CAB39: variants seen among roughly 807,000 people sequenced by gnomAD.
CAB39 encodes calcium binding protein 39, also known as calcium-binding protein 39.
CAB39 carries 8 observed loss-of-function variants against 40.0 expected under a neutral mutation model. The ratio of observed to expected loss-of-function variants is 0.20; its 90% CI spans 0.12 to 0.36. The LOEUF is 0.36. Ranked by LOEUF, CAB39 falls within the 10% of genes least tolerant of loss-of-function variation. The probability of loss-of-function intolerance (pLI) is 1.00; values close to 1 mark genes in which losing one functional copy is unlikely to be tolerated. For synonymous variants in CAB39, 156 were observed against 141.6 expected (o/e 1.10, Z -0.72); for missense variants, 270 against 401.1 (o/e 0.67, Z 2.79).
intron 1 of CAB39, among the ~76,000 whole-genome samples, chr2:230,750,497 A>G (rs1695066403): frequency 6.6e-6 from 1 of 152,170 alleles, no homozygotes; most frequent in African/African-American, 2.4e-5. Context: ...CCCTTTATAA[A>G]TTACCCCAAA....
chr2:230,772,870 G>A (rs1325739949), intron 2 of CAB39, among the ~76,000 whole-genome samples: 2 of 150,332 alleles, frequency 1.3e-5, no homozygotes, highest in Admixed American at 1.3e-4. Context: ...AGAAATATAT[G>A]TTCATGAAAA....
At chr2:230,771,348 G>A (rs1695480183) in intron 2 of CAB39, among the ~76,000 whole-genome samples, 3 of 152,040 alleles carry the variant, frequency 2.0e-5, no homozygotes, top group Admixed American at 1.3e-4. Context: ...CTAGCATTTA[G>A]AATAGCATCA....
intron 1 of CAB39, among the ~76,000 whole-genome samples, chr2:230,757,425 G>A (rs1452299801): frequency 6.6e-6 from 1 of 152,132 alleles, no homozygotes; most frequent in Non-Finnish European, 1.5e-5. Context: ...AGTCTTACTA[G>A]TTCATATGTT....
chr2:230,736,246 C>G (rs1005092895), intron 1 of CAB39, among the ~76,000 whole-genome samples: 1 of 152,150 alleles, frequency 6.6e-6, no homozygotes, highest in African/African-American at 2.4e-5. Flanking sequence ...CTAGATCTTA[C>G]AGTATTTAAC....
intron 1 of CAB39, among the ~76,000 whole-genome samples, chr2:230,722,277 CTTAG>C (rs768292343): frequency 1.1e-4 from 17 of 152,172 alleles, no homozygotes; most frequent in East Asian, 1.9e-4. Flanking sequence ...AATTTATAAA[CTTAG>C]TTAGAGTGAG....
intron 2 of CAB39, among the ~76,000 whole-genome samples, chr2:230,784,685 G>A (rs772526464): frequency 6.6e-6 from 1 of 152,312 alleles, no homozygotes; most frequent in South Asian, 2.1e-4. Context: ...CCTGTGGAAA[G>A]TTCAGGTGTA....
intron 1 of CAB39, among the ~76,000 whole-genome samples, chr2:230,756,020 C>T (rs1161424785): frequency 2.6e-5 from 4 of 152,144 alleles, no homozygotes; most frequent in African/African-American, 9.7e-5. Context: ...GGACCAGGCC[C>T]TTTGGAAGGC....
intron 1 of CAB39, among the ~76,000 whole-genome samples, chr2:230,753,636 A>G (rs1235546793): frequency 2.0e-5 from 3 of 151,810 alleles, no homozygotes; most frequent in African/African-American, 4.8e-5. Context: ...AGTCCCAGCT[A>G]CTGGGGAGGC....
At chr2:230,790,426 A>G (rs1695874092) in intron 2 of CAB39, among the ~76,000 whole-genome samples, 2 of 151,760 alleles carry the variant, frequency 1.3e-5, no homozygotes, top group African/African-American at 4.8e-5. Context: ...TTTCCTCCAC[A>G]CCTTTTCTGT....
intron 1 of CAB39, among the ~76,000 whole-genome samples, chr2:230,744,363 G>C (rs1054105224): frequency 6.6e-6 from 1 of 151,590 alleles, no homozygotes; most frequent in African/African-American, 2.4e-5. Flanking sequence ...GCACGATCTC[G>C]GCTCACTGCA....
chr2:230,714,119 T>C (rs552968444), intron 1 of CAB39: 1 of 152,222 alleles, frequency 6.6e-6, no homozygotes, highest in East Asian at 1.9e-4. Context: ...ATAATTCCGT[T>C]TGTTGGCATG....
At chr2:230,818,214 C>T (rs2124988851) in intron 8 of CAB39, 1 of 448,996 alleles carries the variant, frequency 2.2e-6, no homozygotes, top group South Asian at 3.8e-5. Flanking sequence ...CCCATCTGAC[C>T]TCTTGTGCTG....
chr2:230,784,174 A>G (rs1695747611), intron 2 of CAB39, among the ~76,000 whole-genome samples: 1 of 152,100 alleles, frequency 6.6e-6, no homozygotes, highest in South Asian at 2.1e-4. Context: ...GGCGAGGTGA[A>G]GAGGGGAGAG....
Position 230,768,812 on chromosome 2 carries a change from ATTAATTTAAAAAG to A in CAB39, c.114+8698_114+8710del, listed in dbSNP as rs529025312. Among the ~76,000 whole-genome samples, 604 of 152,338 alleles carry A rather than the reference ATTAATTTAAAAAG, an allele frequency of 4.0e-3. 2 individuals carry two copies. The highest frequency in any genetic ancestry group is 0.017 in the Middle Eastern group (5 of 294). On this transcript the variant is annotated intron_variant, in intron 2 of 8. Coordinates refer to ENST00000258418, the MANE Select transcript of CAB39 (RefSeq NM_016289.4). Reference sequence around the variant, plus strand: ...AAACCAGAATCATTAAAAACACTTGATTAATTTAAAAAGGCAGAAAAGGGATGAAGGGAATTAA... The same window carrying A: ...AAACCAGAATCATTAAAAACACTTGAGCAGAAAAGGGATGAAGGGAATTAA...
intron 2 of CAB39, among the ~76,000 whole-genome samples, chr2:230,764,254 T>G (rs1302187483): frequency 1.3e-5 from 2 of 152,214 alleles, no homozygotes; most frequent in African/African-American, 4.8e-5. Context: ...CATTCTGTTT[T>G]TCACTTTTGT....
intron 2 of CAB39, among the ~76,000 whole-genome samples, chr2:230,774,298 G>A (rs1227073087): frequency 6.6e-6 from 1 of 151,946 alleles, no homozygotes; most frequent in Admixed American, 6.6e-5. Flanking sequence ...GTTATATGTT[G>A]GTATTTGTAT....
At chr2:230,732,072 A>C (rs920765592) in intron 1 of CAB39, among the ~76,000 whole-genome samples, 3 of 150,636 alleles carry the variant, frequency 2.0e-5, no homozygotes, top group East Asian at 2.0e-4. Context: ...TGGTGAAATT[A>C]TCTCTCTCTT....
At chr2:230,785,289 G>A (rs1166400880) in intron 2 of CAB39, among the ~76,000 whole-genome samples, 2 of 151,326 alleles carry the variant, frequency 1.3e-5, no homozygotes, top group Non-Finnish European at 2.9e-5. Context: ...GAGTGAGTGA[G>A]GAAAAAGACT....
At chr2:230,780,329 A>G (rs1695665435) in intron 2 of CAB39, among the ~76,000 whole-genome samples, 1 of 152,238 alleles carries the variant, frequency 6.6e-6, no homozygotes, top group Non-Finnish European at 1.5e-5. Flanking sequence ...ACCACAGGGC[A>G]ATGATCAAAA....
Sources: gnomAD v4.1 joint callset for allele counts (sites outside exome capture counted in the v4.1 genomes callset) on GRCh38, gnomAD v4.1.1 for gene constraint, MANE v1.5 for transcripts, NCBI Gene and HGNC (gene_info 2026-07-23, HGNC 2026-07-21) for gene names.